Variants in VEPH1 observed in about 807,000 individuals in gnomAD.
The protein encoded by VEPH1 is ventricular zone expressed PH domain containing 1.
In VEPH1, 80 loss-of-function variants were observed where a neutral mutation model predicts 85.2. That is an observed-to-expected ratio of 0.94 (90% CI 0.78 to 1.13). The LOEUF (loss-of-function observed/expected upper bound fraction) is 1.13, where lower values mean the gene tolerates loss of function less well. Among genes scored for constraint, VEPH1 ranks in the 50% most tolerant of loss-of-function variants. The probability of loss-of-function intolerance (pLI) is 0.00; values close to 1 mark genes in which losing one functional copy is unlikely to be tolerated. For synonymous variants in VEPH1, 297 were observed against 348.0 expected, an observed-to-expected ratio of 0.85 and a Z score of 1.63; for missense variants, 955 against 980.5, an observed-to-expected ratio of 0.97 and a Z score of 0.35.
At chr3:157,267,774 C>T (rs1433792786) in intron 12 of VEPH1, among the ~76,000 whole-genome samples, 1 of 152,078 alleles carries the variant, frequency 6.6e-6, no homozygotes, top group Non-Finnish European at 1.5e-5. Flanking sequence ...TCTCAAAAAC[C>T]AAACAAACAA....
chr3:157,286,528 G>T (rs1235067615), intron 12 of VEPH1, 29 bp downstream of exon 12: 4 of 1,579,628 alleles, frequency 2.5e-6, no homozygotes, highest in African/African-American at 1.3e-5. Context: ...GGCACAAATG[G>T]TTCTTAGCAG....
chr3:157,459,504 A>C (rs1456100), intron 4 of VEPH1: 272,902 of 692,594 alleles, frequency 0.39, 57,068 homozygotes, highest in African/African-American at 0.67. Context: ...TTAATGAGAA[A>C]TGGGGACATT....
intron 4 of VEPH1, among the ~76,000 whole-genome samples, chr3:157,454,269 G>T (rs1307685983): frequency 2.0e-5 from 3 of 152,106 alleles, no homozygotes; most frequent in African/African-American, 7.2e-5. Flanking sequence ...CGTGGCCAAA[G>T]GAAATTGGAA....
At position 157,369,180 on chromosome 3, in the gene VEPH1, GAAAAAAA is replaced by G. The variant is rs58451868; in HGVS notation, c.1128-4675_1128-4669del. ...ACAACAACAACAACAAAAACCAAAT[GAAAAAAA>G]AAAAAAAAAAAAAAAAACCTCCTGA... On this transcript the variant is annotated intron_variant, in intron 7 of 13. Transcript: ENST00000362010. 2.4e-3 allele frequency among the ~76,000 whole-genome samples: 104 copies of G among 42,786 alleles called. 2 individuals are homozygous for G. The highest frequency in any genetic ancestry group is 7.5e-3 in the African/African-American group (89 of 11,898). The allele number at this position is 42,786 out of a possible 152,430, so 28.1% of individuals were successfully genotyped here.
chr3:157,475,222 G>A (rs1737358466), intron 2 of VEPH1, among the ~76,000 whole-genome samples: 1 of 150,336 alleles, frequency 6.7e-6, no homozygotes, highest in Non-Finnish European at 1.5e-5. Context: ...GAACTCCTAG[G>A]CTCAAGTGAT....
chr3:157,336,424 C>A, intron 9 of VEPH1, among the ~76,000 whole-genome samples: 1 of 152,152 alleles, frequency 6.6e-6, no homozygotes, highest in South Asian at 2.1e-4. Flanking sequence ...TAAAATGCTT[C>A]CTATATGGCA....
intron 7 of VEPH1, among the ~76,000 whole-genome samples, chr3:157,373,823 C>A (rs1040549186): frequency 6.6e-6 from 1 of 152,112 alleles, no homozygotes; most frequent in Admixed American, 6.6e-5. Flanking sequence ...GAAAATGGAC[C>A]TGGTTCCCCA....
intron 4 of VEPH1, among the ~76,000 whole-genome samples, chr3:157,452,954 C>T (rs900856603): frequency 2.0e-5 from 3 of 152,198 alleles, no homozygotes; most frequent in African/African-American, 7.2e-5. Flanking sequence ...AGCCGACTCC[C>T]ATTCCCTGCT....
chr3:157,449,342 T>C (rs1191835562), intron 4 of VEPH1, among the ~76,000 whole-genome samples: 1 of 152,192 alleles, frequency 6.6e-6, no homozygotes, highest in African/African-American at 2.4e-5. Flanking sequence ...TTAGATTTGT[T>C]TTATGTATTT....
intron 2 of VEPH1, among the ~76,000 whole-genome samples, chr3:157,482,560 T>C (rs1738218977): frequency 2.0e-5 from 3 of 152,186 alleles, no homozygotes; most frequent in Admixed American, 2.0e-4. Context: ...GTTGAATCTA[T>C]AAATTGCTTT....
At chr3:157,501,549 C>A (rs567862861) in intron 1 of VEPH1, among the ~76,000 whole-genome samples, 1 of 152,152 alleles carries the variant, frequency 6.6e-6, no homozygotes, top group Admixed American at 6.5e-5. Context: ...CACTCAATGC[C>A]CACTAATAAA....
chr3:157,493,051 C>T (rs897124539), intron 2 of VEPH1: 3 of 296,076 alleles, frequency 1.0e-5, no homozygotes, highest in East Asian at 2.2e-4. Context: ...TTCTCTCCCC[C>T]ACCACTGATA....
chr3:157,478,779 G>A (rs1037054842), intron 2 of VEPH1, among the ~76,000 whole-genome samples: 1 of 152,146 alleles, frequency 6.6e-6, no homozygotes, highest in South Asian at 2.1e-4. Flanking sequence ...CATAACTGCA[G>A]CGAATATAGT....
chr3:157,390,264 G>C (rs1729735179), intron 6 of VEPH1, among the ~76,000 whole-genome samples: 1 of 152,192 alleles, frequency 6.6e-6, no homozygotes, highest in Admixed American at 6.5e-5. Flanking sequence ...TTTGGTTTGG[G>C]ACAATGAGTT....
intron 4 of VEPH1, among the ~76,000 whole-genome samples, chr3:157,433,922 T>A (rs1184812623): frequency 2.0e-5 from 3 of 152,150 alleles, no homozygotes; most frequent in South Asian, 2.1e-4. Flanking sequence ...TTGGCAGGCT[T>A]TTTTTTCGCA....
At chr3:157,421,518 A>T (rs1732336589) in intron 5 of VEPH1, among the ~76,000 whole-genome samples, 1 of 152,188 alleles carries the variant, frequency 6.6e-6, no homozygotes, top group South Asian at 2.1e-4. Flanking sequence ...ATTAGGCTTA[A>T]CTTGAAAGCT....
intron 6 of VEPH1, among the ~76,000 whole-genome samples, chr3:157,405,339 G>T (rs1731064314): frequency 1.3e-5 from 2 of 152,080 alleles, no homozygotes. Flanking sequence ...CAAGTATTTT[G>T]GGAACTGTTT....
At chr3:157,269,209 A>G (rs761357102) in intron 12 of VEPH1, among the ~76,000 whole-genome samples, 24 of 152,230 alleles carry the variant, frequency 1.6e-4, no homozygotes, top group Admixed American at 5.9e-4. Context: ...TTGAAGAGTA[A>G]TGTGTGACAA....
chr3:157,484,981 A>T (rs180750689), intron 2 of VEPH1, among the ~76,000 whole-genome samples: 8 of 152,286 alleles, frequency 5.3e-5, no homozygotes, highest in Admixed American at 2.6e-4. Flanking sequence ...TACTTATTAT[A>T]GTGTAATAGG....
Sources: gnomAD v4.1 joint callset for allele counts (sites outside exome capture counted in the v4.1 genomes callset) on GRCh38, gnomAD v4.1.1 for gene constraint, MANE v1.5 for transcripts, NCBI Gene and HGNC (gene_info 2026-07-23, HGNC 2026-07-21) for gene names.